FBXL2: variants seen among roughly 807,000 people sequenced by gnomAD.
The protein encoded by FBXL2 is F-box and leucine rich repeat protein 2.
Under a neutral mutation model 69.2 loss-of-function variants are expected in FBXL2, and 38 were observed. The ratio of observed to expected loss-of-function variants is 0.55; its 90% CI spans 0.42 to 0.72. The LOEUF is 0.72. FBXL2 is among the 30% of genes least tolerant of loss of function. The pLI is 0.00. For synonymous variants in FBXL2, 192 were observed against 201.3 expected, an observed-to-expected ratio of 0.95 and a Z score of 0.39; for missense variants, 354 against 520.3, an observed-to-expected ratio of 0.68 and a Z score of 3.11.
intron 10 of FBXL2, among the ~76,000 whole-genome samples, chr3:33,376,374 G>C (rs2042641681): frequency 6.6e-6 from 1 of 152,082 alleles, no homozygotes; most frequent in South Asian, 2.1e-4. Context: ...CACCAGTTCT[G>C]TATCTTTTAA....
Position 33,286,466 on chromosome 3 carries a change from G to T in FBXL2, c.3+8951G>T, listed in dbSNP as rs186263679. Among the ~76,000 whole-genome samples, 241 of 152,338 alleles carry T rather than the reference G, an allele frequency of 1.6e-3. 1 individual carries two copies. The highest frequency in any genetic ancestry group is 5.2e-3 in the African/African-American group (216 of 41,576). ...GGCCTCTACTGGGAGATGTCTCCCA[G>T]TTAGGCTGCTCAGGGGTCAGGGACC... On this transcript the variant is annotated intron_variant, in intron 1 of 14. Coordinates refer to ENST00000484457, the MANE Select transcript of FBXL2 (RefSeq NM_012157.5).
At chr3:33,292,677 A>G (rs957025631) in intron 1 of FBXL2, among the ~76,000 whole-genome samples, 2 of 152,148 alleles carry the variant, frequency 1.3e-5, no homozygotes, top group African/African-American at 4.8e-5. Flanking sequence ...AGTAATTACT[A>G]TAAGTACAAA....
intron 2 of FBXL2, among the ~76,000 whole-genome samples, chr3:33,355,326 G>T (rs2041124823): frequency 6.6e-6 from 1 of 152,196 alleles, no homozygotes; most frequent in Non-Finnish European, 1.5e-5. Context: ...AAATTACTGT[G>T]AAAAATTAAA....
intron 2 of FBXL2, among the ~76,000 whole-genome samples, chr3:33,336,937 G>A (rs1440555036): frequency 6.7e-6 from 1 of 149,952 alleles, no homozygotes; most frequent in Non-Finnish European, 1.5e-5. Context: ...TGGCGCAGTG[G>A]CTCACGTCTG....
At chr3:33,326,705 G>C (rs1315697870) in intron 2 of FBXL2, among the ~76,000 whole-genome samples, 1 of 151,948 alleles carries the variant, frequency 6.6e-6, no homozygotes, top group Non-Finnish European at 1.5e-5. Context: ...CAGGCTTAAT[G>C]GTCTTTTGAA....
chr3:33,347,380 A>G (rs1575287805), intron 2 of FBXL2, among the ~76,000 whole-genome samples: 4 of 152,304 alleles, frequency 2.6e-5, no homozygotes, highest in Non-Finnish European at 1.5e-5. Context: ...GAATGTATCC[A>G]TTGTACATAT....
chr3:33,290,625 G>A (rs2035128052), intron 1 of FBXL2, among the ~76,000 whole-genome samples: 1 of 152,272 alleles, frequency 6.6e-6, no homozygotes, highest in Admixed American at 6.5e-5. Flanking sequence ...AGGCTTAATA[G>A]CAGACTGCAC....
At position 33,375,434 on chromosome 3, in the gene FBXL2, T is replaced by A. The variant is rs751843788; in HGVS notation, c.788+16T>A. ...CGCGACTGCAGTGAGTACACTGCAC[T>A]TTTTGCTTTGCAGCTCAGAGTTTGG... On this transcript the variant is annotated intron_variant, in intron 10 of 14. Transcript: ENST00000484457. 8.7e-6 allele frequency: 14 copies of A among 1,608,054 alleles called. No individual in the cohort carries two copies. Among genetic ancestry groups the A allele is most frequent in the Non-Finnish European group, 1.2e-5 (14 of 1,175,172 alleles).
chr3:33,296,012 G>GT (rs377285036), intron 1 of FBXL2, among the ~76,000 whole-genome samples: 2 of 152,086 alleles, frequency 1.3e-5, no homozygotes, highest in Non-Finnish European at 2.9e-5. Context: ...AATCTTGTGG[G>GT]TTTTTTTCCT....
intron 10 of FBXL2, 72 bp downstream of exon 10, chr3:33,375,490 G>A (rs2042578733): frequency 1.9e-6 from 3 of 1,566,932 alleles, no homozygotes; most frequent in Non-Finnish European, 2.6e-6. Context: ...TCCTTCAGGA[G>A]AGGACAGGCT....
intron 10 of FBXL2, among the ~76,000 whole-genome samples, chr3:33,376,943 G>T (rs1195855396): frequency 6.6e-6 from 1 of 152,230 alleles, no homozygotes; most frequent in Non-Finnish European, 1.5e-5. Flanking sequence ...GGAGGCTGCA[G>T]TGAGCCAAGA....
intron 2 of FBXL2, among the ~76,000 whole-genome samples, chr3:33,298,321 A>G (rs902548656): frequency 6.6e-5 from 10 of 152,172 alleles, no homozygotes; most frequent in Non-Finnish European, 1.5e-4. Flanking sequence ...ATCAGCAAAC[A>G]TTTGTTGGCC....
At chr3:33,408,015 T>C (rs532646316), downstream of FBXL2, among the ~76,000 whole-genome samples, 14 of 152,300 alleles carry the variant, frequency 9.2e-5, no homozygotes, top group East Asian at 7.7e-4. Context: ...CCTGACTGCA[T>C]ATTGGGGGCG....
intron 3 of FBXL2, 32 bp from the exon 4 acceptor site, chr3:33,359,251 C>T: frequency 1.3e-6 from 2 of 1,573,874 alleles, no homozygotes; most frequent in Non-Finnish European, 1.7e-6. Flanking sequence ...TCTTTCATCC[C>T]AATCCCTCTT....
intron 2 of FBXL2, among the ~76,000 whole-genome samples, chr3:33,322,366 C>T (rs59541546): frequency 0.067 from 10,156 of 152,032 alleles, 1,134 homozygotes; most frequent in African/African-American, 0.23. Context: ...GCGTGAGCTA[C>T]GGCGCCTGGC....
rs2043415585 is a variant in FBXL2 at position 33,386,151 on chromosome 3, A to T, written c.*543A>T. ...GTTTTATATATAGAGACTTATGTGG[A>T]AGGCATGTTAATAGGTTTCCATGAG... On this transcript the variant is annotated 3_prime_UTR_variant, in exon 15 of 15. Coordinates refer to ENST00000484457, the MANE Select transcript of FBXL2 (RefSeq NM_012157.5). 1 of 160,892 alleles carries T rather than the reference A, an allele frequency of 6.2e-6. No individual in the cohort carries two copies. Among genetic ancestry groups the T allele is most frequent in the African/African-American group, 2.4e-5 (1 of 41,462 alleles). 10.0% of individuals were successfully genotyped at this position (160,892 alleles called of 1,614,324 possible). A position where few individuals can be genotyped will look rare whatever the true frequency, so the allele number is the denominator to read the frequency against.
intron 2 of FBXL2, among the ~76,000 whole-genome samples, chr3:33,338,502 T>C (rs906637979): frequency 4.0e-5 from 6 of 150,894 alleles, no homozygotes; most frequent in African/African-American, 1.5e-4. Flanking sequence ...AAACTGGAGG[T>C]ATCACCCACA....
chr3:33,382,228 T>A (rs549741063), intron 13 of FBXL2, among the ~76,000 whole-genome samples: 17 of 152,308 alleles, frequency 1.1e-4, no homozygotes, highest in African/African-American at 3.4e-4. Flanking sequence ...CACTAAAAAA[T>A]TTGGCAGAGT....
At chr3:33,392,692 A>G (rs2043816244), downstream of FBXL2, 1 of 1,368,000 alleles carries the variant, frequency 7.3e-7, no homozygotes, top group Non-Finnish European at 1.0e-6. Context: ...AACAGTAAAT[A>G]TTCTTCTCAA....
Sources: gnomAD v4.1 joint callset for allele counts (sites outside exome capture counted in the v4.1 genomes callset) on GRCh38, gnomAD v4.1.1 for gene constraint, MANE v1.5 for transcripts, NCBI Gene and HGNC (gene_info 2026-07-23, HGNC 2026-07-21) for gene names.